The following DCBLD2 variants were observed in gnomAD, a reference collection of about 807,000 sequenced individuals.
The protein encoded by DCBLD2 is discoidin, CUB and LCCL domain containing 2.
DCBLD2 carries 54 observed loss-of-function variants against 86.8 expected under a neutral mutation model. That is an observed-to-expected ratio of 0.62 (90% confidence interval 0.50 to 0.78). The LOEUF (loss-of-function observed/expected upper bound fraction) is 0.78, where lower values mean the gene tolerates loss of function less well. Ranked by LOEUF, DCBLD2 falls within the 30% of genes least tolerant of loss-of-function variation. The probability of loss-of-function intolerance (pLI) is 0.00; values close to 1 mark genes in which losing one functional copy is unlikely to be tolerated. For missense variants in DCBLD2, 908 were observed against 954.2 expected (o/e 0.95, Z 0.64); for synonymous variants, 354 against 341.3 (o/e 1.04, Z -0.41).
At chr3:98,877,767 G>C (rs2454682) in intron 2 of DCBLD2, among the ~76,000 whole-genome samples, 1,728 of 152,054 alleles carry the variant, frequency 0.011, 18 homozygotes, top group Non-Finnish European at 0.015. Context: ...CAGGGCTGGA[G>C]CAGGGCAATC....
rs748259036 is a variant in DCBLD2, at chr3:98,797,218, T to A, written c.*2154A>T. ...TATTGGTAGTTCAAGGATAGCACAG[T>A]GGCAATATGAATCGAGTCTTAAAAT... On this transcript the variant is annotated 3_prime_UTR_variant, in exon 16 of 16. Coordinates refer to ENST00000326840, the MANE Select transcript of DCBLD2 (RefSeq NM_080927.4). 6.6e-6 allele frequency: 1 copy of A among 151,120 alleles called. No individual in the cohort carries two copies. Among genetic ancestry groups the A allele is most frequent in the Non-Finnish European group, 1.5e-5 (1 of 67,722 alleles). The allele number at this position is 151,120 out of a possible 1,614,324, so 9.4% of individuals were successfully genotyped here. A position where few individuals can be genotyped will look rare whatever the true frequency, so the allele number is the denominator to read the frequency against.
intron 8 of DCBLD2, among the ~76,000 whole-genome samples, chr3:98,818,222 A>G (rs1942057898): frequency 6.6e-6 from 1 of 152,192 alleles, no homozygotes; most frequent in Non-Finnish European, 1.5e-5. Flanking sequence ...TATTGGTATT[A>G]TTTACAGTAC....
chr3:98,886,800 A>AC (rs56817910), intron 1 of DCBLD2, among the ~76,000 whole-genome samples: 4,340 of 123,380 alleles, frequency 0.035, 120 homozygotes, highest in East Asian at 0.053. Context: ...TTACAGGAAA[A>AC]CCCCCCCCCT....
intron 1 of DCBLD2, among the ~76,000 whole-genome samples, chr3:98,889,933 A>T (rs1371876369): frequency 6.6e-6 from 1 of 151,958 alleles, no homozygotes; most frequent in Non-Finnish European, 1.5e-5. Flanking sequence ...AAACACACAA[A>T]ACCTCCTTCT....
chr3:98,886,803 C>CAA (rs1559800560), intron 1 of DCBLD2, among the ~76,000 whole-genome samples: 7 of 134,898 alleles, frequency 5.2e-5, no homozygotes, highest in African/African-American at 8.2e-5. Flanking sequence ...CAGGAAAACC[C>CAA]CCCCCCTTTT....
intron 4 of DCBLD2, among the ~76,000 whole-genome samples, chr3:98,823,132 C>T (rs1942154433): frequency 6.6e-6 from 1 of 152,196 alleles, no homozygotes; most frequent in Non-Finnish European, 1.5e-5. Flanking sequence ...CTCGGCCTCC[C>T]AAACTGCTGG....
chr3:98,826,136 C>A (rs1433811673), intron 3 of DCBLD2, among the ~76,000 whole-genome samples: 2 of 151,448 alleles, frequency 1.3e-5, no homozygotes, highest in Admixed American at 1.3e-4. Context: ...AGACCAAGTT[C>A]ATAGGCTATG....
intron 14 of DCBLD2, 185 bp downstream of exon 14, chr3:98,801,415 T>A (rs1202724133): frequency 4.4e-6 from 2 of 457,230 alleles, no homozygotes; most frequent in Non-Finnish European, 7.8e-6. Context: ...TTCATTTCAT[T>A]ACTTAGGAAT....
intron 2 of DCBLD2, among the ~76,000 whole-genome samples, chr3:98,859,114 G>A (rs1277483937): frequency 6.6e-6 from 1 of 152,170 alleles, no homozygotes; most frequent in Non-Finnish European, 1.5e-5. Flanking sequence ...TACGCCAACG[G>A]AGGCTCACTC....
chr3:98,833,710 T>C (rs34558202), intron 3 of DCBLD2, among the ~76,000 whole-genome samples: 66,128 of 151,968 alleles, frequency 0.44, 14,572 homozygotes, highest in African/African-American at 0.46. Context: ...GACCACTTTT[T>C]GGTGAGATGG....
intron 1 of DCBLD2, among the ~76,000 whole-genome samples, chr3:98,882,661 A>G (rs990300293): frequency 7.9e-5 from 12 of 152,120 alleles, no homozygotes; most frequent in Non-Finnish European, 1.8e-4. Flanking sequence ...TATGAGTGAG[A>G]ACATGTGGTG....
intron 12 of DCBLD2, 78 bp downstream of exon 12, chr3:98,811,116 T>C: frequency 1.4e-6 from 2 of 1,428,604 alleles, no homozygotes; most frequent in Non-Finnish European, 1.8e-6. Context: ...AAACTGAAGG[T>C]TTAAAAATGC....
Position 98,797,563 on chromosome 3 carries a change from C to T in DCBLD2, c.*1809G>A, listed in dbSNP as rs1941633934. 6.6e-6 allele frequency: 1 copy of T among 152,362 alleles called. No individual in the cohort carries two copies. The highest frequency in any genetic ancestry group is 2.4e-5 in the African/African-American group (1 of 41,426). The allele number at this position is 152,362 out of a possible 1,614,324, so 9.4% of individuals were successfully genotyped here. A position where few individuals can be genotyped will look rare whatever the true frequency, so the allele number is the denominator to read the frequency against. On this transcript the variant is annotated 3_prime_UTR_variant, in exon 16 of 16. Coordinates refer to ENST00000326840, the MANE Select transcript of DCBLD2 (RefSeq NM_080927.4). ...CATCCATATATGTTTTAATAAAAGT[C>T]TACCATCTATGTCTTTTGTTTCAAA...
chr3:98,813,103 A>G (rs1177877712), intron 9 of DCBLD2: 1 of 152,182 alleles, frequency 6.6e-6, no homozygotes, highest in African/African-American at 2.4e-5. Flanking sequence ...ATTATTAATT[A>G]TTTTTAGAGA....
chr3:98,799,835 G>T lies in DCBLD2; in HGVS notation c.1865C>A (p.Ala622Asp), dbSNP rs556441774. 3 of 1,608,694 alleles carry T rather than the reference G, an allele frequency of 1.9e-6. No individual in the cohort carries two copies. The South Asian group carries it at 3.3e-5, about 18-fold the overall frequency. ...AACAATTCCTCCTACCAGTGGCTGA[G>T]CATACTCTGTGGATATCACAAAACA... ...TVLQADSAEYAQPLVGGIVGT... is the reference protein window; with the variant it reads ...TVLQADSAEYDQPLVGGIVGT... Residue 622 changes from alanine to aspartate, a missense_variant, in exon 16 of 16, where the codon GCT (alanine) becomes GAT (aspartate). Ala to Asp is a moderately radical substitution (Grantham distance 126, BLOSUM62 -2). Coordinates refer to ENST00000326840, the MANE Select transcript of DCBLD2 (RefSeq NM_080927.4).
chr3:98,901,234 G>T lies in DCBLD2; in HGVS notation c.93C>A (p.Pro31=), dbSNP rs934713078. ...AAAAPAWAAL[P]LSRSLPPCSN... is the part of the protein sequence containing the mutation. Reference sequence around the variant, plus strand: ...AGCAGGGAGGGAGGGAGCGGGAGAGGGGGAGCGCGGCCCAGGCGGGGGCGG... The same window carrying T: ...AGCAGGGAGGGAGGGAGCGGGAGAGTGGGAGCGCGGCCCAGGCGGGGGCGG... Residue 31 remains proline (P), a synonymous_variant, in exon 1 of 16, where the codon CCC becomes CCA. Coordinates refer to ENST00000326840, the MANE Select transcript of DCBLD2 (RefSeq NM_080927.4). 5.9e-6 allele frequency: 9 copies of T among 1,534,704 alleles called. No individual in the cohort carries two copies. The African/African-American group carries it at 1.1e-4, about 19-fold the overall frequency.
At chr3:98,800,496 G>T in intron 15 of DCBLD2, 83 bp downstream of exon 15, 1 of 1,407,128 alleles carries the variant, frequency 7.1e-7, no homozygotes, top group Non-Finnish European at 9.6e-7. Flanking sequence ...AGGGATCAAA[G>T]AACTGTAAAT....
At chr3:98,901,097 C>T in intron 1 of DCBLD2, 25 bp downstream of exon 1, 1 of 1,538,560 alleles carries the variant, frequency 6.5e-7, no homozygotes, top group South Asian at 1.2e-5. Flanking sequence ...GTTCCCCCGC[C>T]GCTCACTCCC....
At chr3:98,844,920 TAGAG>T (rs1237975814) in intron 3 of DCBLD2, among the ~76,000 whole-genome samples, 12 of 152,332 alleles carry the variant, frequency 7.9e-5, no homozygotes, top group Non-Finnish European at 1.3e-4. Flanking sequence ...AATAGACTGT[TAGAG>T]AGAATACCTA....
Sources: allele counts gnomAD v4.1 joint callset (sites outside exome capture counted in the v4.1 genomes callset), GRCh38; gene constraint gnomAD v4.1.1; transcripts MANE v1.5; gene names NCBI Gene and HGNC (gene_info 2026-07-23, HGNC 2026-07-21).